MPRIP: variants seen among roughly 807,000 people sequenced by gnomAD.
MPRIP encodes the protein myosin phosphatase Rho-interacting protein.
Under a neutral mutation model 234.9 loss-of-function variants are expected in MPRIP, and 59 were observed. The ratio of observed to expected loss-of-function variants is 0.25; its 90% CI spans 0.20 to 0.31. The LOEUF (loss-of-function observed/expected upper bound fraction) is 0.31, where lower values mean the gene tolerates loss of function less well. Among genes scored for constraint, MPRIP ranks in the 10% least tolerant of loss-of-function variants. MPRIP has a pLI of 1.00. For synonymous variants in MPRIP, 1,144 were observed against 1,263.9 expected (o/e 0.91, Z 2.01); for missense variants, 2,436 against 3,071.0 (o/e 0.79, Z 4.89).
At chr17:17,149,683 T>A (rs952196962) in intron 11 of MPRIP, 2 of 147,898 alleles carry the variant, frequency 1.4e-5, no homozygotes, top group Non-Finnish European at 3.0e-5. Context: ...TATATTTAAA[T>A]TTTACATTTA....
chr17:17,113,602 T>G (rs1242483469), intron 3 of MPRIP, among the ~76,000 whole-genome samples: 4 of 152,250 alleles, frequency 2.6e-5, no homozygotes, highest in African/African-American at 7.2e-5. Flanking sequence ...GCTGCCATGG[T>G]ACGTGGGTGT....
chr17:17,095,337 G>A (rs2089814740), intron 3 of MPRIP, among the ~76,000 whole-genome samples: 1 of 152,272 alleles, frequency 6.6e-6, no homozygotes, highest in South Asian at 2.1e-4. Flanking sequence ...TAGGAATATC[G>A]ACTGGCAGGC....
chr17:17,104,067 G>T (rs1378048559), intron 3 of MPRIP, among the ~76,000 whole-genome samples: 1 of 152,150 alleles, frequency 6.6e-6, no homozygotes, highest in South Asian at 2.1e-4. Flanking sequence ...AATAATGTCT[G>T]TTTGATTTGT....
chr17:17,133,968 G>A (rs1046693339), intron 5 of MPRIP, among the ~76,000 whole-genome samples: 5 of 152,130 alleles, frequency 3.3e-5, no homozygotes, highest in Non-Finnish European at 7.4e-5. Flanking sequence ...TGCAGGCCCC[G>A]GGTCTCCACT....
At chr17:17,085,478 C>T (rs998436266) in intron 3 of MPRIP, among the ~76,000 whole-genome samples, 4 of 152,162 alleles carry the variant, frequency 2.6e-5, no homozygotes, top group African/African-American at 9.7e-5. Flanking sequence ...TGAGAGACTT[C>T]GGTCTTTAAG....
At chr17:17,090,293 G>A (rs1281461177) in intron 3 of MPRIP, among the ~76,000 whole-genome samples, 1 of 152,188 alleles carries the variant, frequency 6.6e-6, no homozygotes, top group South Asian at 2.1e-4. Flanking sequence ...GGCTTGTCCC[G>A]CAGGGGCAGA....
intron 3 of MPRIP, chr17:17,096,906 A>G (rs1004720597): frequency 2.3e-5 from 10 of 432,598 alleles, no homozygotes; most frequent in Admixed American, 1.3e-4. Flanking sequence ...CTTGTCTTCT[A>G]GAATCTCGTC....
intron 5 of MPRIP, among the ~76,000 whole-genome samples, chr17:17,133,141 A>G (rs979254121): frequency 3.9e-5 from 6 of 152,160 alleles, no homozygotes; most frequent in African/African-American, 1.4e-4. Flanking sequence ...TTGTTGGTAG[A>G]AGGAGCCACA....
chr17:17,148,937 C>G (rs2045535698), intron 11 of MPRIP, among the ~76,000 whole-genome samples: 1 of 152,194 alleles, frequency 6.6e-6, no homozygotes, highest in Admixed American at 6.5e-5. Context: ...TTTACTTACA[C>G]TCTCCTGATG....
intron 1 of MPRIP, among the ~76,000 whole-genome samples, chr17:17,048,420 G>A (rs956672049): frequency 1.6e-4 from 25 of 152,150 alleles, no homozygotes; most frequent in African/African-American, 5.8e-4. Context: ...CTAAGGCATA[G>A]GACTTCCTGA....
Position 17,192,426 on chromosome 17 carries a change from T to TGGGGGGGGG in MPRIP, c.*7532_*7533insGGGGGGGGG, listed in dbSNP as rs1157972241. Reference sequence around the variant, plus strand: ...GACCAGCTGAGCTGCTGCTTTTTTTTTGGGGGGGGGGGGGGGAGGGGCGTC... The same window carrying TGGGGGGGGG: ...GACCAGCTGAGCTGCTGCTTTTTTTTGGGGGGGGGTGGGGGGGGGGGGGGGAGGGGCGTC... On this transcript the variant is annotated 3_prime_UTR_variant, in exon 24 of 24. Coordinates refer to ENST00000651222, the MANE Select transcript of MPRIP (RefSeq NM_001364716.4). The TGGGGGGGGG allele has an allele frequency of 6.4e-3, 19 of 2,962 alleles. 2 individuals are homozygous for TGGGGGGGGG. Among genetic ancestry groups the TGGGGGGGGG allele is most frequent in the South Asian group, 0.048 (2 of 42 alleles). The allele number at this position is 2,962 out of a possible 1,614,324, so 0.2% of individuals were successfully genotyped here. A position where few individuals can be genotyped will look rare whatever the true frequency, so the allele number is the denominator to read the frequency against.
intron 3 of MPRIP, among the ~76,000 whole-genome samples, chr17:17,102,816 G>A (rs187705498): frequency 4.1e-4 from 62 of 152,354 alleles, no homozygotes; most frequent in African/African-American, 1.4e-3. Context: ...GAAAGGTTAG[G>A]GCCCTGCTGG....
At chr17:17,180,472 C>A in intron 23 of MPRIP, 1 of 832,704 alleles carries the variant, frequency 1.2e-6, no homozygotes. Context: ...GCTCTTGTTC[C>A]CCAGCCAGGA....
At chr17:17,080,972 G>T (rs1396360340) in intron 3 of MPRIP, among the ~76,000 whole-genome samples, 1 of 152,100 alleles carries the variant, frequency 6.6e-6, no homozygotes, top group Non-Finnish European at 1.5e-5. Flanking sequence ...GTGTACCAGG[G>T]AGCACATAGG....
chr17:17,183,119 G>A (rs971324904), intron 23 of MPRIP: 3 of 152,328 alleles, frequency 2.0e-5, no homozygotes, highest in African/African-American at 4.8e-5. Flanking sequence ...CATTCCCCCA[G>A]CCACTCTCTG....
chr17:17,174,797 T>TA (rs529734070), intron 19 of MPRIP, among the ~76,000 whole-genome samples: 12,572 of 132,044 alleles, frequency 0.095, 741 homozygotes, highest in East Asian at 0.19. Context: ...AGACTCCGTC[T>TA]AAAAAAAAAA....
In MPRIP at chr17:17,160,527, C is replaced by T. The variant is rs917558280; in HGVS notation, c.2401-713C>T. Among the ~76,000 whole-genome samples, 3 of 152,344 alleles carry T rather than the reference C, an allele frequency of 2.0e-5. No homozygotes were observed. The South Asian group carries it at 6.2e-4, about 32-fold the overall frequency. On this transcript the variant is annotated intron_variant, in intron 14 of 23. Coordinates refer to ENST00000651222, the MANE Select transcript of MPRIP (RefSeq NM_001364716.4). ...CTGCACATGGCCAGGCATCAGGAGG[C>T]ACCTGGGAGGTGTGTAGGGAAGAGG... is the stretch of plus-strand genomic sequence containing the variant.
intron 1 of MPRIP, among the ~76,000 whole-genome samples, chr17:17,052,255 C>T (rs2088564740): frequency 6.6e-6 from 1 of 152,214 alleles, no homozygotes; most frequent in Non-Finnish European, 1.5e-5. Flanking sequence ...CTTGGGAAGG[C>T]CACTTTGCTT....
At chr17:17,172,272 C>T (rs1474427413) in intron 17 of MPRIP, among the ~76,000 whole-genome samples, 1 of 152,260 alleles carries the variant, frequency 6.6e-6, no homozygotes, top group Non-Finnish European at 1.5e-5. Context: ...CGGCAGGTGG[C>T]CCTAAACAAG....
Sources: gnomAD v4.1 joint callset for allele counts (sites outside exome capture counted in the v4.1 genomes callset) on GRCh38, gnomAD v4.1.1 for gene constraint, MANE v1.5 for transcripts, NCBI Gene and HGNC (gene_info 2026-07-23, HGNC 2026-07-21) for gene names.